Variants in PAK4 observed in about 807,000 individuals in gnomAD.
The protein encoded by PAK4 is serine/threonine-protein kinase PAK 4.
In PAK4, 49 loss-of-function variants were observed where a neutral mutation model predicts 53.5. The observed-to-expected ratio is 0.92, with a 90% CI of 0.73 to 1.16. The LOEUF (loss-of-function observed/expected upper bound fraction) is 1.16. PAK4 is among the 50% of genes most tolerant of loss of function. PAK4 has a pLI of 0.00. For synonymous variants in PAK4, 376 were observed against 375.6 expected (o/e 1.00, Z -0.01); for missense variants, 824 against 850.7 (o/e 0.97, Z 0.39).
intron 2 of PAK4, among the ~76,000 whole-genome samples, chr19:39,171,945 A>G (rs1164663836): frequency 6.6e-6 from 1 of 152,212 alleles, no homozygotes; most frequent in Non-Finnish European, 1.5e-5. Flanking sequence ...GGAAAAAACA[A>G]TCCCTGCCCA....
At position 39,174,948 on chromosome 19, in the gene PAK4, C is replaced by G. The variant is rs760387391; in HGVS notation, c.1116C>G (p.Asp372Glu). 1.1e-5 allele frequency: 17 copies of G among 1,613,842 alleles called. No individual in the cohort carries two copies. In the South Asian group the frequency reaches 1.9e-4, roughly 18 times the overall value. Residue 372 changes from aspartate (D) to glutamate (E), a missense_variant, in exon 5 of 9, where the codon GAC (aspartate) becomes GAG (glutamate). This residue lies in a region of PAK4 where 346 missense variants were observed against 415.0 expected (regional missense o/e 0.83). Transcript: ENST00000358301. ...CTGCACAGGTGGTAATCATGAGGGA[C>G]TACCAGCACGAGAATGTGGTGGAGA...
At position 39,173,995 on chromosome 19, in the gene PAK4, G is replaced by A. The variant is rs2074547772; in HGVS notation, c.1083G>A (p.Glu361=). The A allele has an allele frequency of 6.3e-7, 1 of 1,598,680 alleles. No individual in the cohort carries two copies. Among genetic ancestry groups the A allele is most frequent in the Non-Finnish European group, 8.5e-7 (1 of 1,175,164 alleles). Residue 361 remains glutamate (E), a synonymous_variant, in exon 4 of 9, where the codon GAG becomes GAA. Transcript: ENST00000358301. This position sits in a 1 kb window ranked among gnomAD's most constrained non-coding sequence, Gnocchi z 6.9. ...ACCTGCGCAAGCAGCAGAGGCGCGA[G>A]CTGCTCTTCAACGAGGTGCGGGCGC...
intron 1 of PAK4, among the ~76,000 whole-genome samples, chr19:39,151,094 C>T (rs866889857): frequency 1.3e-5 from 2 of 152,118 alleles, no homozygotes; most frequent in African/African-American, 2.4e-5. Flanking sequence ...GAGGTGGGCG[C>T]GACCTCGGTG....
chr19:39,155,442 T>C (rs562640071), intron 1 of PAK4, among the ~76,000 whole-genome samples: 67 of 152,136 alleles, frequency 4.4e-4, no homozygotes, highest in Middle Eastern at 3.4e-3. Context: ...TGACCCAGCC[T>C]GGGGTGGCAG....
chr19:39,135,433 C>G (rs2073794556), intron 1 of PAK4, among the ~76,000 whole-genome samples: 1 of 146,162 alleles, frequency 6.8e-6, no homozygotes, highest in African/African-American at 2.5e-5. Context: ...CTTCCCAGAT[C>G]CAAGCCATTC....
chr19:39,164,097 TA>T (rs1220321414), intron 1 of PAK4, among the ~76,000 whole-genome samples: 4 of 151,572 alleles, frequency 2.6e-5, no homozygotes, highest in Non-Finnish European at 4.4e-5. Context: ...GCCAACATGG[TA>T]AAACCCCATC....
rs185760577 is a variant in PAK4, at chr19:39,134,106, C to A, written c.-23+8187C>A. Among the ~76,000 whole-genome samples, 222 of 152,364 alleles carry A rather than the reference C, an allele frequency of 1.5e-3. 1 individual carries two copies. Among genetic ancestry groups the A allele is most frequent in the African/African-American group, 5.1e-3 (211 of 41,584 alleles). On this transcript the variant is annotated intron_variant, in intron 1 of 8. Coordinates refer to ENST00000358301, the Ensembl canonical transcript of PAK4. ...CCTCCATAGTTCTGTCGTCCCTTCC[C>A]CGCAAATCTTCCACTGCAGCCTGGG... is the stretch of plus-strand genomic sequence containing the variant.
At chr19:39,149,700 T>C (rs1481314559) in intron 1 of PAK4, among the ~76,000 whole-genome samples, 3 of 151,818 alleles carry the variant, frequency 2.0e-5, no homozygotes, top group African/African-American at 4.8e-5. Context: ...ACTAAAAATA[T>C]AAAAAATTAG....
Position 39,178,223 on chromosome 19 carries a change from C to T in PAK4, c.1621-201C>T, listed in dbSNP as rs1033136573. Among the ~76,000 whole-genome samples the T allele has an allele frequency of 6.6e-6, 1 of 152,094 alleles. No individual in the cohort carries two copies. Among genetic ancestry groups the T allele is most frequent in the Non-Finnish European group, 1.5e-5 (1 of 67,990 alleles). ...CCAGGGTTTGTCACTTCCTCTGGGGCCACATAGTAAGCGCCATCACAGGTG... is the reference window on the plus strand; with the variant it reads ...CCAGGGTTTGTCACTTCCTCTGGGGTCACATAGTAAGCGCCATCACAGGTG... On this transcript the variant is annotated intron_variant, in intron 8 of 8. Transcript: ENST00000358301. This position sits in a 1 kb window ranked among gnomAD's most constrained non-coding sequence, Gnocchi z 4.4.
chr19:39,128,090 A>G (rs1041066441), intron 1 of PAK4, among the ~76,000 whole-genome samples: 3 of 152,176 alleles, frequency 2.0e-5, no homozygotes, highest in Admixed American at 1.3e-4. Context: ...GTGCTGGGCC[A>G]GAGATGCCTG....
chr19:39,157,222 G>A (rs1347449881), intron 1 of PAK4, among the ~76,000 whole-genome samples: 2 of 151,972 alleles, frequency 1.3e-5, no homozygotes, highest in African/African-American at 4.8e-5. Flanking sequence ...TTGGGGTCGG[G>A]GGGGTGCCTC....
chr19:39,133,045 A>C (rs924096453), intron 1 of PAK4, among the ~76,000 whole-genome samples: 2 of 152,222 alleles, frequency 1.3e-5, no homozygotes, highest in African/African-American at 4.8e-5. Flanking sequence ...CAGATGTGGC[A>C]CTCAAACCTT....
chr19:39,147,710 A>C (rs2074023584), intron 1 of PAK4, among the ~76,000 whole-genome samples: 5 of 151,994 alleles, frequency 3.3e-5, no homozygotes, highest in Admixed American at 2.6e-4. Flanking sequence ...TTGTGGCTTT[A>C]ATTTGCATTT....
chr19:39,173,076 G>C lies in PAK4; in HGVS notation c.363G>C (p.Pro121=). The change falls in exon 3 of 9, where the codon CCG becomes CCC. Residue 121 remains proline, a synonymous_variant. Transcript: ENST00000358301. This position sits in a 1 kb window ranked among gnomAD's most constrained non-coding sequence, Gnocchi z 6.9. ...AGGAAAATGGGATGCCAGAGGAGCC[G>C]GCCACCACGGCCAGAGGGGGCCCAG... 1 of 1,548,734 alleles carries C rather than the reference G, an allele frequency of 6.5e-7. No individual in the cohort carries two copies. The highest frequency in any genetic ancestry group is 1.2e-5 in the South Asian group (1 of 83,962).
chr19:39,142,794 T>C (rs2145152915), intron 1 of PAK4, among the ~76,000 whole-genome samples: 1 of 152,320 alleles, frequency 6.6e-6, no homozygotes, highest in Non-Finnish European at 1.5e-5. Flanking sequence ...CTGGGTGGCT[T>C]TCCCAGCCTC....
chr19:39,139,911 A>G (rs975208128), intron 1 of PAK4, among the ~76,000 whole-genome samples: 2 of 152,048 alleles, frequency 1.3e-5, no homozygotes, highest in Non-Finnish European at 2.9e-5. Flanking sequence ...AATGTGTTTT[A>G]GCTTTTGGCA....
At chr19:39,179,646 C>G (rs375259530), downstream of PAK4, 1 of 152,270 alleles carries the variant, frequency 6.6e-6, no homozygotes, top group East Asian at 1.9e-4. Flanking sequence ...AGTCCATGTG[C>G]AGACTGATCC....
Position 39,173,932 on chromosome 19 carries a change from G to A in PAK4, c.1020G>A (p.Val340=). Residue 340 remains valine, a synonymous_variant, in exon 4 of 9, where the codon GTG becomes GTA. Coordinates refer to ENST00000358301, the Ensembl canonical transcript of PAK4. This position sits in a 1 kb window ranked among gnomAD's most constrained non-coding sequence, Gnocchi z 6.9. ...CGGGCATCGTGTGCATCGCCACCGT[G>A]CGCAGCTCGGGCAAGCTGGTGGCCG... is the stretch of plus-strand genomic sequence containing the variant. 1 of 1,611,538 alleles carries A rather than the reference G, an allele frequency of 6.2e-7. No homozygotes were observed. Among genetic ancestry groups the A allele is most frequent in the Non-Finnish European group, 8.5e-7 (1 of 1,179,486 alleles).
chr19:39,178,450 G>A lies in PAK4; in HGVS notation c.1647G>A (p.Leu549=). Reference sequence around the variant, plus strand: ...TGTCGCCATCCCTGAAGGGCTTCCTGGACCGCCTGCTGGTGCGAGACCCTG... The same window carrying A: ...TGTCGCCATCCCTGAAGGGCTTCCTAGACCGCCTGCTGGTGCGAGACCCTG... The change falls in exon 9 of 9, where the codon CTG becomes CTA. Residue 549 remains leucine (L), a synonymous_variant. Coordinates refer to ENST00000358301, the Ensembl canonical transcript of PAK4. The surrounding 1 kb of genome is among the most constrained non-coding windows in gnomAD (Gnocchi z 4.4). 1 of 1,596,170 alleles carries A rather than the reference G, an allele frequency of 6.3e-7. No homozygotes were observed. The highest frequency in any genetic ancestry group is 8.5e-7 in the Non-Finnish European group (1 of 1,172,376).
Sources: allele counts gnomAD v4.1 joint callset (sites outside exome capture counted in the v4.1 genomes callset), GRCh38; gene constraint gnomAD v4.1.1; regional missense constraint gnomAD v4.1.1; non-coding constraint Gnocchi (gnomAD v3.1); transcripts MANE v1.5; gene names NCBI Gene and HGNC (gene_info 2026-07-23, HGNC 2026-07-21).